The following PCSK1 variants were observed in gnomAD, a reference collection of about 807,000 sequenced individuals.
PCSK1 encodes the protein proprotein convertase subtilisin/kexin type 1.
In PCSK1, 56 loss-of-function variants were observed where a neutral mutation model predicts 90.6. That is an observed-to-expected ratio of 0.62 (90% confidence interval 0.50 to 0.77). The LOEUF (loss-of-function observed/expected upper bound fraction) is 0.77. Among genes scored for constraint, PCSK1 ranks in the 30% least tolerant of loss-of-function variants. PCSK1 has a pLI of 0.00. For synonymous variants in PCSK1, 348 were observed against 342.4 expected (o/e 1.02, Z -0.18); for missense variants, 801 against 932.6 (o/e 0.86, Z 1.84).
At chr5:96,412,752 G>GATTTTTTTTTTTTTT (rs1760801495) in intron 6 of PCSK1, among the ~76,000 whole-genome samples, 1 of 71,832 alleles carries the variant, frequency 1.4e-5, no homozygotes, top group African/African-American at 9.0e-5. Flanking sequence ...CAGCTGTGAT[G>GATTTTTTTTTTTTTT]TTTTTTTTTT....
chr5:96,402,526 C>T (rs925917666), intron 9 of PCSK1, among the ~76,000 whole-genome samples: 5 of 152,090 alleles, frequency 3.3e-5, no homozygotes, highest in Non-Finnish European at 4.4e-5. Context: ...TCTCTTGGTC[C>T]CTCCCCGCCT....
rs1166018774 is a variant in PCSK1 at position 96,416,113 on chromosome 5, G to C, written c.629C>G (p.Thr210Ser). 2 of 1,607,636 alleles carry C rather than the reference G, an allele frequency of 1.2e-6. No homozygotes were observed. Among genetic ancestry groups the C allele is most frequent in the African/African-American group, 2.7e-5 (2 of 74,792 alleles). ...YDPTNENKHGTRCAGEIAMQA... is the reference protein window; with the variant it reads ...YDPTNENKHGSRCAGEIAMQA... Reference sequence around the variant, plus strand: ...CATGGCAATTTCTCCTGCACATCTGGTCCCGTGTCTGAGGATTGAAAAATA... The same window carrying C: ...CATGGCAATTTCTCCTGCACATCTGCTCCCGTGTCTGAGGATTGAAAAATA... Residue 210 changes from threonine to serine, a missense_variant, in exon 6 of 14, where the codon ACC becomes AGC. Physicochemically the swap from Thr to Ser is moderately conservative, Grantham distance 58 (BLOSUM62 1). Transcript: ENST00000311106.
chr5:96,392,649 A>T lies in PCSK1; in HGVS notation c.*352T>A, dbSNP rs946981831. 4.4e-5 allele frequency: 10 copies of T among 228,582 alleles called. 1 individual carries two copies. The South Asian group carries it at 8.5e-4, about 19-fold the overall frequency. The allele number at this position is 228,582 out of a possible 1,614,324, so 14.2% of individuals were successfully genotyped here. ...TCTTTGCAGATTATGTTTTCAAATT[A>T]ATTGATATCCCAGGTTTTGCCTTTT... On this transcript the variant is annotated 3_prime_UTR_variant, in exon 14 of 14. Coordinates refer to ENST00000311106, the MANE Select transcript of PCSK1 (RefSeq NM_000439.5).
At chr5:96,419,282 A>T (rs980719757) in intron 5 of PCSK1, among the ~76,000 whole-genome samples, 4 of 148,846 alleles carry the variant, frequency 2.7e-5, no homozygotes, top group Non-Finnish European at 4.4e-5. Context: ...GTATTAAATG[A>T]GTTTATATGT....
At chr5:96,401,987 T>C (rs1760392375) in intron 9 of PCSK1, among the ~76,000 whole-genome samples, 1 of 152,346 alleles carries the variant, frequency 6.6e-6, no homozygotes, top group Non-Finnish European at 1.5e-5. Flanking sequence ...ACCTGTATTG[T>C]TCCCTGAAGC....
At chr5:96,429,108 A>AC (rs1215358227) in intron 2 of PCSK1, 105 bp downstream of exon 2, 4 of 693,080 alleles carry the variant, frequency 5.8e-6, no homozygotes, top group Non-Finnish European at 1.0e-5. Flanking sequence ...CTTGGTCACA[A>AC]TAAAAAAAAA....
At chr5:96,432,192 T>A in intron 1 of PCSK1, 1 of 1,477,562 alleles carries the variant, frequency 6.8e-7, no homozygotes, top group South Asian at 1.2e-5. Flanking sequence ...CTTTATAAGT[T>A]CCCAGTGAAA....
chr5:96,408,415 G>T, intron 8 of PCSK1, 92 bp from the exon 9 acceptor site: 1 of 857,536 alleles, frequency 1.2e-6, no homozygotes, highest in Non-Finnish European at 1.9e-6. Context: ...GGCTGCATCT[G>T]CTATGACCAG....
intron 5 of PCSK1, among the ~76,000 whole-genome samples, chr5:96,417,133 C>G (rs1475181192): frequency 6.6e-6 from 1 of 152,156 alleles, no homozygotes; most frequent in African/African-American, 2.4e-5. Context: ...TTCAATTCTA[C>G]TATACTGGCC....
At chr5:96,427,861 T>G (rs1354762589) in intron 2 of PCSK1, among the ~76,000 whole-genome samples, 1 of 152,128 alleles carries the variant, frequency 6.6e-6, no homozygotes, top group African/African-American at 2.4e-5. Context: ...TTATTCTGCT[T>G]TTCAGAGCCC....
At chr5:96,405,844 C>T (rs916142938) in intron 9 of PCSK1, among the ~76,000 whole-genome samples, 3 of 152,162 alleles carry the variant, frequency 2.0e-5, no homozygotes, top group East Asian at 1.9e-4. Flanking sequence ...ATATTGGTCA[C>T]TATACAAGGA....
At position 96,399,954 on chromosome 5, in the gene PCSK1, TG is replaced by T; in HGVS notation, c.1428del (p.Arg477GlufsTer3). The T allele has an allele frequency of 6.2e-7, 1 of 1,609,538 alleles. No homozygotes were observed. The highest frequency in any genetic ancestry group is 8.5e-7 in the Non-Finnish European group (1 of 1,175,834). On this transcript the variant is annotated frameshift_variant and splice_region_variant, in exon 10 of 14. Transcript: ENST00000311106. LOFTEE classifies it high-confidence loss of function. ...ECVVKDNDFEPRALKANGEVI... is the reference protein window; with the variant it reads ...ECVVKDNDFEXRALKANGEVI... The stretch of plus-strand genomic sequence containing the variant: ...TTTAAAATTCCAGGAGATACTTACC[TG>T]GGCTCAAAGTCATTGTCCTTTACAA...
chr5:96,393,492 G>A, intron 13 of PCSK1, 114 bp from the exon 14 acceptor site: 1 of 1,234,128 alleles, frequency 8.1e-7, no homozygotes, highest in Non-Finnish European at 1.2e-6. Context: ...GCAATGAGGG[G>A]AGGGGAGAGA....
intron 12 of PCSK1, 82 bp downstream of exon 12, chr5:96,397,254 T>A (rs1760184570): frequency 8.1e-6 from 10 of 1,230,160 alleles, no homozygotes; most frequent in African/African-American, 1.5e-5. Flanking sequence ...AGGGCCCTAA[T>A]TAATGATGAA....
chr5:96,424,012 GTGTC>G (rs1761207202), intron 3 of PCSK1, among the ~76,000 whole-genome samples: 2 of 152,214 alleles, frequency 1.3e-5, no homozygotes, highest in Non-Finnish European at 2.9e-5. Context: ...TAGGGGGTAA[GTGTC>G]TGTGAGAGGA....
rs3811948 is a variant in PCSK1, at chr5:96,425,521, T to C, written c.396+299A>G. Among the ~76,000 whole-genome samples, 66 of 152,326 alleles carry C rather than the reference T, an allele frequency of 4.3e-4. 1 individual carries two copies. In the East Asian group the frequency reaches 0.013, roughly 29 times the overall value. On this transcript the variant is annotated intron_variant, in intron 3 of 13. Transcript: ENST00000311106. Reference sequence around the variant, plus strand: ...TGAGATTTTTGCCACAAGTACTGTTTTTGGAAACCCTAACCTGCAAGATAT... The same window carrying C: ...TGAGATTTTTGCCACAAGTACTGTTCTTGGAAACCCTAACCTGCAAGATAT...
intron 2 of PCSK1, 61 bp from the exon 3 acceptor site, chr5:96,425,991 C>T (rs745725276): frequency 2.2e-6 from 2 of 907,302 alleles, no homozygotes; most frequent in Non-Finnish European, 3.6e-6. Flanking sequence ...TATACTTCCT[C>T]TAACTATCTC....
intron 8 of PCSK1, 134 bp downstream of exon 8, chr5:96,410,640 T>C (rs1760722640): frequency 6.5e-6 from 5 of 767,362 alleles, no homozygotes; most frequent in Non-Finnish European, 1.2e-5. Context: ...TTCAAGTGAG[T>C]AAGTGTGAGT....
chr5:96,405,677 AAAAAG>A (rs1354878956), intron 9 of PCSK1, among the ~76,000 whole-genome samples: 1 of 152,176 alleles, frequency 6.6e-6, no homozygotes, highest in Non-Finnish European at 1.5e-5. Flanking sequence ...TCTCCAAAAG[AAAAAG>A]AAAAGGAAAG....
Sources: gnomAD v4.1 joint callset for allele counts (sites outside exome capture counted in the v4.1 genomes callset) on GRCh38, gnomAD v4.1.1 for gene constraint, MANE v1.5 for transcripts, NCBI Gene and HGNC (gene_info 2026-07-23, HGNC 2026-07-21) for gene names.